The following TENM2 variants were observed in gnomAD, a reference collection of about 807,000 sequenced individuals.
TENM2 encodes teneurin-2.
A neutral mutation model predicts 245.2 loss-of-function variants in TENM2; 52 were observed. That is an observed-to-expected ratio of 0.21 (90% CI 0.17 to 0.27). The LOEUF (loss-of-function observed/expected upper bound fraction) is 0.27. TENM2 is among the 10% of genes least tolerant of loss of function. The pLI is 1.00. For missense variants in TENM2, 3,046 were observed against 3,666.8 expected, an observed-to-expected ratio of 0.83 and a Z score of 4.37; for synonymous variants, 1,363 against 1,438.9, an observed-to-expected ratio of 0.95 and a Z score of 1.19.
chr5:167,582,672 A>G (rs1483726732), intron 2 of TENM2, among the ~76,000 whole-genome samples: 1 of 152,224 alleles, frequency 6.6e-6, no homozygotes, highest in Non-Finnish European at 1.5e-5. Context: ...GAACATTTAC[A>G]TGGCACGAAC....
At chr5:167,406,241 A>T (rs546672040) in intron 2 of TENM2, among the ~76,000 whole-genome samples, 1 of 152,112 alleles carries the variant, frequency 6.6e-6, no homozygotes, top group African/African-American at 2.4e-5. Flanking sequence ...CTCATCCGGG[A>T]TGTTTAATGA....
intron 5 of TENM2, among the ~76,000 whole-genome samples, chr5:168,041,888 A>G (rs996384391): frequency 7.9e-5 from 12 of 152,324 alleles, no homozygotes; most frequent in African/African-American, 2.9e-4. Context: ...AGACTTATTC[A>G]CATGTGTTAA....
the TENM2 span, among the ~76,000 whole-genome samples, chr5:167,063,617 G>T: frequency 1.3e-5 from 2 of 152,088 alleles, no homozygotes; most frequent in Non-Finnish European, 2.9e-5. Flanking sequence ...TCAGTAAGTG[G>T]TATATTTGAA....
At chr5:167,246,592 G>A in the TENM2 span, among the ~76,000 whole-genome samples, 1 of 152,034 alleles carries the variant, frequency 6.6e-6, no homozygotes, top group African/African-American at 2.4e-5. Flanking sequence ...AAGATGTGAT[G>A]ACAACATTGA....
At chr5:167,269,536 T>TAC in the TENM2 span, among the ~76,000 whole-genome samples, 1,235 of 150,556 alleles carry the variant, frequency 8.2e-3, 17 homozygotes, top group African/African-American at 0.025. Flanking sequence ...AAATAGTGAC[T>TAC]ACACACACAC....
At chr5:167,753,153 G>A (rs1458391890) in intron 2 of TENM2, among the ~76,000 whole-genome samples, 1 of 152,152 alleles carries the variant, frequency 6.6e-6, no homozygotes, top group Non-Finnish European at 1.5e-5. Context: ...GCAATTTAAG[G>A]ATGTTGACAA....
At chr5:168,012,396 G>A (rs145468848) in intron 5 of TENM2, among the ~76,000 whole-genome samples, 22 of 152,090 alleles carry the variant, frequency 1.4e-4, no homozygotes, top group East Asian at 3.9e-4. Context: ...TAATCGCTGC[G>A]CTTTGGGAGG....
intron 2 of TENM2, among the ~76,000 whole-genome samples, chr5:167,480,255 G>A (rs1207331305): frequency 6.6e-6 from 1 of 152,090 alleles, no homozygotes; most frequent in Non-Finnish European, 1.5e-5. Context: ...CTTCCTCACT[G>A]ATTGTAAGAC....
chr5:167,348,441 G>T (rs1758611272), intron 1 of TENM2, among the ~76,000 whole-genome samples: 1 of 152,162 alleles, frequency 6.6e-6, no homozygotes, highest in Non-Finnish European at 1.5e-5. Context: ...AATTCTCCAA[G>T]GGGCGCTTAT....
At chr5:167,592,810 A>G (rs372699968) in intron 2 of TENM2, among the ~76,000 whole-genome samples, 1 of 152,210 alleles carries the variant, frequency 6.6e-6, no homozygotes, top group Non-Finnish European at 1.5e-5. Flanking sequence ...TTCTTTACCC[A>G]TAAGAAAAAC....
At chr5:167,242,131 C>T in the TENM2 span, among the ~76,000 whole-genome samples, 1 of 149,902 alleles carries the variant, frequency 6.7e-6, no homozygotes, top group East Asian at 2.0e-4. Flanking sequence ...CTCACTGCAA[C>T]CTCTGCCTCC....
intron 1 of TENM2, among the ~76,000 whole-genome samples, chr5:167,320,779 C>T (rs988119730): frequency 2.0e-5 from 3 of 152,100 alleles, no homozygotes; most frequent in African/African-American, 7.2e-5. Flanking sequence ...GAACTGTGAG[C>T]CAATAAATTT....
At chr5:167,752,128 T>C (rs923450083) in intron 2 of TENM2, among the ~76,000 whole-genome samples, 2 of 152,092 alleles carry the variant, frequency 1.3e-5, no homozygotes, top group African/African-American at 4.8e-5. Context: ...GGAGTCTCAC[T>C]CTGTCACCCA....
intron 2 of TENM2, among the ~76,000 whole-genome samples, chr5:167,544,979 C>T (rs962493541): frequency 6.6e-6 from 1 of 152,018 alleles, no homozygotes; most frequent in African/African-American, 2.4e-5. Context: ...AGTTCACTGT[C>T]CCTGAGAATG....
chr5:167,135,838 G>GCATATTCTTGCAGAAC, the TENM2 span, among the ~76,000 whole-genome samples: 1 of 152,144 alleles, frequency 6.6e-6, no homozygotes, highest in Non-Finnish European at 1.5e-5. Flanking sequence ...TCTTACAGAA[G>GCATATTCTTGCAGAAC]CATATTCTTG....
chr5:167,081,619 G>A, the TENM2 span, among the ~76,000 whole-genome samples: 2 of 152,104 alleles, frequency 1.3e-5, no homozygotes, highest in Non-Finnish European at 2.9e-5. Flanking sequence ...CTGTAAATAG[G>A]GATTTGCTAA....
At chr5:167,391,110 G>A (rs1461024642) in intron 2 of TENM2, among the ~76,000 whole-genome samples, 1 of 152,018 alleles carries the variant, frequency 6.6e-6, no homozygotes. Flanking sequence ...ATTATCTAAG[G>A]TGCCATGTCC....
At chr5:167,297,709 C>T (rs1057287850) in intron 1 of TENM2, among the ~76,000 whole-genome samples, 4 of 145,580 alleles carry the variant, frequency 2.7e-5, no homozygotes, top group Non-Finnish European at 5.9e-5. Flanking sequence ...TGGGTGCAGG[C>T]GGGCTGAGTC....
intron 2 of TENM2, among the ~76,000 whole-genome samples, chr5:167,848,418 CTG>C (rs1770251128): frequency 6.6e-6 from 1 of 152,040 alleles, no homozygotes; most frequent in African/African-American, 2.4e-5. Context: ...GAAAAAAACA[CTG>C]TTTTACTGCT....
Sources: gnomAD v4.1 joint callset for allele counts (sites outside exome capture counted in the v4.1 genomes callset) on GRCh38, gnomAD v4.1.1 for gene constraint, MANE v1.5 for transcripts, NCBI Gene and HGNC (gene_info 2026-07-23, HGNC 2026-07-21) for gene names.